MARCHF8: variants seen among roughly 807,000 people sequenced by gnomAD.
MARCHF8 encodes the protein E3 ubiquitin-protein ligase MARCHF8.
In MARCHF8, 40 loss-of-function variants were observed where a neutral mutation model predicts 51.6. That is an observed-to-expected ratio of 0.77 (90% CI 0.60 to 1.01). The LOEUF is 1.01. Ranked by LOEUF, MARCHF8 falls within the 50% of genes least tolerant of loss-of-function variation. The probability of loss-of-function intolerance (pLI) is 0.00; values close to 1 mark genes in which losing one functional copy is unlikely to be tolerated. For synonymous variants in MARCHF8, 263 were observed against 280.3 expected, an observed-to-expected ratio of 0.94 and a Z score of 0.62; for missense variants, 685 against 708.6, an observed-to-expected ratio of 0.97 and a Z score of 0.38.
At chr10:45,569,658 A>T (rs917294875) in intron 1 of MARCHF8, among the ~76,000 whole-genome samples, 16 of 152,148 alleles carry the variant, frequency 1.1e-4, no homozygotes, top group African/African-American at 3.9e-4. Context: ...GTTGGGAAAA[A>T]ATGTGTGAAG....
intron 1 of MARCHF8, among the ~76,000 whole-genome samples, chr10:45,577,000 T>C (rs566307341): frequency 1.2e-4 from 18 of 149,104 alleles, no homozygotes; most frequent in African/African-American, 4.2e-4. Flanking sequence ...AGAAACTTAA[T>C]TGCCAATGCT....
At chr10:45,503,477 A>C (rs999619001) in intron 2 of MARCHF8, among the ~76,000 whole-genome samples, 1 of 152,120 alleles carries the variant, frequency 6.6e-6, no homozygotes, top group South Asian at 2.1e-4. Context: ...CAGAGGTTGC[A>C]GTGAGCCGAG....
At chr10:45,494,002 T>C (rs1417842957) in intron 2 of MARCHF8, among the ~76,000 whole-genome samples, 1 of 152,184 alleles carries the variant, frequency 6.6e-6, no homozygotes, top group South Asian at 2.1e-4. Flanking sequence ...TAAATTCCTA[T>C]GTAAAAGATG....
At chr10:45,566,012 C>G (rs2133377691) in intron 1 of MARCHF8, among the ~76,000 whole-genome samples, 1 of 152,244 alleles carries the variant, frequency 6.6e-6, no homozygotes, top group Non-Finnish European at 1.5e-5. Flanking sequence ...CAGCCTCTTG[C>G]ACTTGGGATC....
At chr10:45,583,154 A>G (rs2044574236) in intron 1 of MARCHF8, among the ~76,000 whole-genome samples, 1 of 152,224 alleles carries the variant, frequency 6.6e-6, no homozygotes, top group Admixed American at 6.5e-5. Context: ...ATTTTTAAAC[A>G]ATGTCCAAGT....
intron 1 of MARCHF8, among the ~76,000 whole-genome samples, chr10:45,565,512 T>C (rs540504084): frequency 6.6e-6 from 1 of 152,138 alleles, no homozygotes; most frequent in South Asian, 2.1e-4. Flanking sequence ...ATTGCAATTC[T>C]TAATTTTATG....
chr10:45,509,860 G>GT (rs774510610), intron 2 of MARCHF8, among the ~76,000 whole-genome samples: 13 of 152,168 alleles, frequency 8.5e-5, no homozygotes, highest in East Asian at 1.9e-4. Context: ...AAGATCACTA[G>GT]TAACAAGAGG....
upstream of MARCHF8, among the ~76,000 whole-genome samples, chr10:45,537,826 G>C (rs2043995212): frequency 6.6e-6 from 1 of 152,146 alleles, no homozygotes; most frequent in South Asian, 2.1e-4. Flanking sequence ...GGAGGAAGCA[G>C]TGGATTCAAT....
chr10:45,576,538 T>C (rs375063250), intron 1 of MARCHF8, among the ~76,000 whole-genome samples: 5 of 152,128 alleles, frequency 3.3e-5, no homozygotes, highest in African/African-American at 1.2e-4. Flanking sequence ...GTAGAATCAA[T>C]ATGAAATCAT....
intron 1 of MARCHF8, among the ~76,000 whole-genome samples, chr10:45,564,648 T>C (rs193249975): frequency 6.6e-6 from 1 of 152,182 alleles, no homozygotes; most frequent in East Asian, 1.9e-4. Flanking sequence ...CAGAGAACAC[T>C]AAGTAGGATT....
chr10:45,588,585 T>C (rs1048598821), intron 1 of MARCHF8, among the ~76,000 whole-genome samples: 14 of 152,226 alleles, frequency 9.2e-5, no homozygotes, highest in African/African-American at 3.4e-4. Context: ...TTTCAAACTG[T>C]AATAAAAGAA....
chr10:45,494,522 T>TGA (rs1217342925), intron 2 of MARCHF8, among the ~76,000 whole-genome samples: 1 of 152,226 alleles, frequency 6.6e-6, no homozygotes, highest in African/African-American at 2.4e-5. Flanking sequence ...AAAAGAACCC[T>TGA]GACTTTGTCC....
intron 2 of MARCHF8, among the ~76,000 whole-genome samples, chr10:45,529,285 C>A (rs1212146186): frequency 6.6e-6 from 1 of 152,158 alleles, no homozygotes; most frequent in Non-Finnish European, 1.5e-5. Context: ...GGACCCATAT[C>A]TCTCACCATA....
chr10:45,495,979 C>G (rs2043168582), intron 2 of MARCHF8, among the ~76,000 whole-genome samples: 1 of 152,064 alleles, frequency 6.6e-6, no homozygotes, highest in Non-Finnish European at 1.5e-5. Flanking sequence ...AGATTAACAG[C>G]TGACTTATCC....
At position 45,589,520 on chromosome 10, in the gene MARCHF8, C is replaced by A. The variant is rs116349628; in HGVS notation, c.-79+4715G>T. 6.7e-3 allele frequency among the ~76,000 whole-genome samples: 1,023 copies of A among 152,288 alleles called. 9 individuals carry two copies. Among genetic ancestry groups the A allele is most frequent in the African/African-American group, 0.023 (974 of 41,554 alleles). ...CAATCAATTTTAGAATATTTTATCACCCCAAAAAGAAACCTAGTCCTCTTT... is the reference window on the plus strand; with the variant it reads ...CAATCAATTTTAGAATATTTTATCAACCCAAAAAGAAACCTAGTCCTCTTT... On this transcript the variant is annotated intron_variant, in intron 1 of 6. Transcript: ENST00000319836.
chr10:45,491,006 T>A (rs191279473), intron 2 of MARCHF8, among the ~76,000 whole-genome samples: 1 of 152,282 alleles, frequency 6.6e-6, no homozygotes, highest in East Asian at 1.9e-4. Flanking sequence ...TGGGTTCAAG[T>A]GATCCTCCCG....
chr10:45,461,596 G>A (rs1310339694), intron 5 of MARCHF8, 185 bp from the exon 6 acceptor site: 17 of 418,690 alleles, frequency 4.1e-5, no homozygotes, highest in African/African-American at 2.5e-4. Flanking sequence ...CTAGCTTACC[G>A]CACCAACATG....
chr10:45,544,097 A>G (rs988321525), intron 1 of MARCHF8, among the ~76,000 whole-genome samples: 1 of 152,160 alleles, frequency 6.6e-6, no homozygotes, highest in Non-Finnish European at 1.5e-5. Flanking sequence ...ATGAAGACAT[A>G]TGAATAGCTA....
At chr10:45,461,098 T>C in intron 6 of MARCHF8, 133 bp downstream of exon 6, 1 of 559,644 alleles carries the variant, frequency 1.8e-6, no homozygotes, top group Non-Finnish European at 2.9e-6. Context: ...ATCTCTACAA[T>C]GCAAATGTAA....
Sources: gnomAD v4.1 joint callset for allele counts (sites outside exome capture counted in the v4.1 genomes callset) on GRCh38, gnomAD v4.1.1 for gene constraint, MANE v1.5 for transcripts, NCBI Gene and HGNC (gene_info 2026-07-23, HGNC 2026-07-21) for gene names.